The following RAB3C variants were observed in gnomAD, a reference collection of about 807,000 sequenced individuals.
RAB3C encodes the protein RAB3C, member RAS oncogene family.
In RAB3C, 17 loss-of-function variants were observed where a neutral mutation model predicts 26.4. The ratio of observed to expected loss-of-function variants is 0.64; its 90% CI spans 0.44 to 0.97. The LOEUF (loss-of-function observed/expected upper bound fraction) is 0.97, where lower values mean the gene tolerates loss of function less well. Among genes scored for constraint, RAB3C ranks in the 50% least tolerant of loss-of-function variants. The probability of loss-of-function intolerance (pLI) is 0.00; values close to 1 mark genes in which losing one functional copy is unlikely to be tolerated. For synonymous variants in RAB3C, 91 were observed against 95.9 expected (o/e 0.95, Z 0.30); for missense variants, 242 against 281.9 (o/e 0.86, Z 1.01).
chr5:58,600,949 T>C (rs756910268), intron 1 of RAB3C, among the ~76,000 whole-genome samples: 10 of 151,990 alleles, frequency 6.6e-5, no homozygotes, highest in African/African-American at 1.2e-4. Flanking sequence ...GCTTTCAACT[T>C]TTCCCCATTC....
At chr5:58,845,252 C>T (rs961233916) in intron 4 of RAB3C, among the ~76,000 whole-genome samples, 1 of 152,024 alleles carries the variant, frequency 6.6e-6, no homozygotes. Flanking sequence ...TCTGAGGCTT[C>T]CTTTGCTCTA....
chr5:58,683,713 A>G (rs541903517), intron 2 of RAB3C, among the ~76,000 whole-genome samples: 2 of 152,352 alleles, frequency 1.3e-5, no homozygotes, highest in African/African-American at 4.8e-5. Context: ...GGAATCTCAC[A>G]CTGTTCCACT....
At chr5:58,804,035 A>T (rs1742876827) in intron 3 of RAB3C, among the ~76,000 whole-genome samples, 1 of 150,268 alleles carries the variant, frequency 6.7e-6, no homozygotes, top group African/African-American at 2.5e-5. Flanking sequence ...ACTCCAGCCC[A>T]GGTGACAGTG....
At chr5:58,833,666 A>G (rs1743670539) in intron 4 of RAB3C, among the ~76,000 whole-genome samples, 1 of 152,240 alleles carries the variant, frequency 6.6e-6, no homozygotes, top group South Asian at 2.1e-4. Context: ...GAAGACATCC[A>G]GAAAAGTCAG....
At chr5:58,844,889 A>G (rs938441740) in intron 4 of RAB3C, among the ~76,000 whole-genome samples, 1 of 152,208 alleles carries the variant, frequency 6.6e-6, no homozygotes, top group African/African-American at 2.4e-5. Context: ...CCTGGGGTTA[A>G]AAAAGGAGCA....
At chr5:58,582,909 C>A, upstream of RAB3C, 1 of 550,710 alleles carries the variant, frequency 1.8e-6, no homozygotes, top group Non-Finnish European at 2.9e-6. Context: ...CGCGGCCGAG[C>A]CCGACTGGCG....
chr5:58,810,128 A>G (rs1014804728), intron 3 of RAB3C, among the ~76,000 whole-genome samples: 15 of 152,066 alleles, frequency 9.9e-5, no homozygotes, highest in African/African-American at 3.4e-4. Flanking sequence ...CCGGGGAGAA[A>G]CACTCAAAGC....
intron 3 of RAB3C, among the ~76,000 whole-genome samples, chr5:58,773,252 C>T (rs1327328085): frequency 6.6e-6 from 1 of 152,044 alleles, no homozygotes; most frequent in African/African-American, 2.4e-5. Flanking sequence ...ACATACTGCT[C>T]CTACTTAGTA....
chr5:58,670,193 G>A (rs1454128180), intron 2 of RAB3C, among the ~76,000 whole-genome samples: 1 of 152,122 alleles, frequency 6.6e-6, no homozygotes, highest in East Asian at 1.9e-4. Flanking sequence ...ATTGACATAC[G>A]ATCTTAGAGG....
chr5:58,726,205 G>A (rs905646156), intron 3 of RAB3C, 85 bp downstream of exon 3: 28 of 663,218 alleles, frequency 4.2e-5, no homozygotes, highest in African/African-American at 7.4e-5. Flanking sequence ...TGACCATACC[G>A]CAATGTAATA....
rs558228158 is a variant in RAB3C at position 58,730,514 on chromosome 5, C to T, written c.371+4394C>T. Among the ~76,000 whole-genome samples, 31 of 152,088 alleles carry T rather than the reference C, an allele frequency of 2.0e-4. No individual in the cohort carries two copies. The South Asian group carries it at 5.2e-3, about 25-fold the overall frequency. On this transcript the variant is annotated intron_variant, in intron 3 of 4. Coordinates refer to ENST00000282878, the MANE Select transcript of RAB3C (RefSeq NM_138453.4). Reference sequence around the variant, plus strand: ...AGAAATAAGCACAAAGAAACACATTCTTTAAATTACTGGTCTCCAAGTGCT... The same window carrying T: ...AGAAATAAGCACAAAGAAACACATTTTTTAAATTACTGGTCTCCAAGTGCT...
At chr5:58,633,257 TA>T (rs1747222384) in intron 2 of RAB3C, among the ~76,000 whole-genome samples, 4 of 152,280 alleles carry the variant, frequency 2.6e-5, no homozygotes, top group Admixed American at 6.5e-5. Context: ...CAACATCTTT[TA>T]GAATGAGGGC....
intron 3 of RAB3C, among the ~76,000 whole-genome samples, chr5:58,758,876 T>C (rs1483051937): frequency 2.0e-5 from 3 of 152,106 alleles, no homozygotes; most frequent in African/African-American, 7.2e-5. Flanking sequence ...TTTGGATACT[T>C]TTCCATGGTC....
intron 2 of RAB3C, among the ~76,000 whole-genome samples, chr5:58,716,672 A>C (rs946952112): frequency 1.1e-4 from 17 of 152,036 alleles, no homozygotes; most frequent in African/African-American, 4.1e-4. Context: ...TAAAAAGCCT[A>C]AACTTGTGGT....
intron 4 of RAB3C, among the ~76,000 whole-genome samples, chr5:58,826,735 C>T (rs12521896): frequency 6.6e-6 from 1 of 152,168 alleles, no homozygotes; most frequent in Non-Finnish European, 1.5e-5. Context: ...TCCCAACCCA[C>T]TAAGTTGATC....
chr5:58,653,069 CCATCAACCCGT>C (rs1747692458), intron 2 of RAB3C, among the ~76,000 whole-genome samples: 1 of 152,016 alleles, frequency 6.6e-6, no homozygotes, highest in African/African-American at 2.4e-5. Context: ...TTTGCAGCAC[CCATCAACCCGT>C]CATCTACTAA....
chr5:58,623,163 G>T (rs1297473966), intron 2 of RAB3C, among the ~76,000 whole-genome samples: 1 of 152,192 alleles, frequency 6.6e-6, no homozygotes, highest in African/African-American at 2.4e-5. Flanking sequence ...GGAGGGACTG[G>T]AACACATTCA....
intron 2 of RAB3C, among the ~76,000 whole-genome samples, chr5:58,640,770 C>G (rs574623492): frequency 6.6e-6 from 1 of 152,254 alleles, no homozygotes; most frequent in East Asian, 1.9e-4. Context: ...CTGTAGGATG[C>G]TAATCACACT....
intron 3 of RAB3C, among the ~76,000 whole-genome samples, chr5:58,754,045 A>G (rs1057475440): frequency 2.0e-5 from 3 of 152,278 alleles, no homozygotes; most frequent in East Asian, 1.9e-4. Context: ...GGAGACAGCA[A>G]TAGGTGGAAG....
Sources: gnomAD v4.1 joint callset for allele counts (sites outside exome capture counted in the v4.1 genomes callset) on GRCh38, gnomAD v4.1.1 for gene constraint, MANE v1.5 for transcripts, NCBI Gene and HGNC (gene_info 2026-07-23, HGNC 2026-07-21) for gene names.